Variants in LLGL1 observed in about 807,000 individuals in gnomAD.
LLGL1 encodes the protein lethal(2) giant larvae protein homolog 1.
In LLGL1, 58 loss-of-function variants were observed where a neutral mutation model predicts 110.6. The observed-to-expected ratio is 0.52, with a 90% CI of 0.42 to 0.65. The LOEUF is 0.65. LLGL1 is among the 30% of genes least tolerant of loss of function. The probability of loss-of-function intolerance (pLI) is 0.00; values close to 1 mark genes in which losing one functional copy is unlikely to be tolerated. For missense variants in LLGL1, 1,229 were observed against 1,462.1 expected, an observed-to-expected ratio of 0.84 and a Z score of 2.60; for synonymous variants, 674 against 607.2, an observed-to-expected ratio of 1.11 and a Z score of -1.62.
chr17:18,242,460 A>G, intron 20 of LLGL1, 48 bp from the exon 21 acceptor site: 2 of 1,610,110 alleles, frequency 1.2e-6, no homozygotes, highest in Non-Finnish European at 1.7e-6. Flanking sequence ...CCCCAGGTGC[A>G]GAGGGTGCTA....
Position 18,226,506 on chromosome 17 carries a change from C to T in LLGL1, c.81+743C>T, listed in dbSNP as rs77920465. ...CCCCACTGCTCCAGGCTCTGCCTTG[C>T]CCTGCTCTGCCCTGCCCGGGGCTCC... is the stretch of plus-strand genomic sequence containing the variant. On this transcript the variant is annotated intron_variant, in intron 1 of 22. Transcript: ENST00000316843. Among the ~76,000 whole-genome samples, 753 of 152,346 alleles carry T rather than the reference C, an allele frequency of 4.9e-3. 5 individuals are homozygous for T. Among genetic ancestry groups the T allele is most frequent in the African/African-American group, 0.017 (713 of 41,580 alleles).
At chr17:18,237,329 A>C (rs560666758) in intron 13 of LLGL1, 152 bp from the exon 14 acceptor site, 120 of 725,806 alleles carry the variant, frequency 1.7e-4, no homozygotes, top group Non-Finnish European at 2.2e-4. Context: ...TACAGTAGGC[A>C]TTCAGTGAGT....
intron 15 of LLGL1, 41 bp from the exon 16 acceptor site, chr17:18,238,415 G>C: frequency 6.3e-7 from 1 of 1,584,194 alleles, no homozygotes; most frequent in Non-Finnish European, 8.6e-7. Context: ...CAAGCCACTG[G>C]GGTGCTAGGG....
At chr17:18,233,749 C>A in intron 4 of LLGL1, 29 bp from the exon 5 acceptor site, 1 of 1,596,680 alleles carries the variant, frequency 6.3e-7, no homozygotes, top group East Asian at 2.2e-5. Flanking sequence ...GGGCTTGTAC[C>A]CTCACTCCCT....
At position 18,235,526 on chromosome 17, in the gene LLGL1, G is replaced by A. The variant is rs781290107; in HGVS notation, c.1341G>A (p.Leu447=). Reference sequence around the variant, plus strand: ...CCCAGGAGCCGTCACAGCGAGGGCTGCTGCTGACGGGGTAGGTGTGCGTGC... The same window carrying A: ...CCCAGGAGCCGTCACAGCGAGGGCTACTGCTGACGGGGTAGGTGTGCGTGC... ...NLAQEPSQRG[L]LLTGHEDGTV... Residue 447 remains leucine, a synonymous_variant, in exon 11 of 23, where the codon CTG becomes CTA. Coordinates refer to ENST00000316843, the MANE Select transcript of LLGL1 (RefSeq NM_004140.4). 4.3e-6 allele frequency: 7 copies of A among 1,613,664 alleles called. No homozygotes were observed. In the South Asian group the frequency reaches 6.6e-5, roughly 15 times the overall value.
chr17:18,237,431 G>A, intron 13 of LLGL1, 50 bp from the exon 14 acceptor site: 1 of 1,482,314 alleles, frequency 6.7e-7, no homozygotes, highest in Admixed American at 2.3e-5. Flanking sequence ...TGGGGCCCAG[G>A]GCGGCCCCTC....
chr17:18,242,099 G>A, intron 19 of LLGL1, 67 bp from the exon 20 acceptor site: 3 of 1,540,946 alleles, frequency 1.9e-6, no homozygotes, highest in South Asian at 2.2e-5. Context: ...GAGTGGGAGG[G>A]CAAGGATCTA....
In LLGL1 at chr17:18,241,991, C is replaced by A. The variant is rs2047846717; in HGVS notation, c.2874C>A (p.Thr958=). The A allele has an allele frequency of 6.2e-7, 1 of 1,613,256 alleles. No homozygotes were observed. ...SLDINWPRDA[T]QASYRIRESP... The stretch of plus-strand genomic sequence containing the variant: ...ACATTAACTGGCCCCGCGATGCCAC[C>A]CAGGCCAGGTGTGTGGAGGGGCAGC... The change falls in exon 19 of 23, where the codon ACC becomes ACA. Residue 958 remains threonine (T), a synonymous_variant. Coordinates refer to ENST00000316843, the MANE Select transcript of LLGL1 (RefSeq NM_004140.4).
In LLGL1 at chr17:18,233,952, G is replaced by C. The variant is rs1371061972; in HGVS notation, c.551+16G>C. 2.2e-5 allele frequency: 36 copies of C among 1,607,300 alleles called. No individual in the cohort carries two copies. The highest frequency in any genetic ancestry group is 3.1e-5 in the Non-Finnish European group (36 of 1,177,120). On this transcript the variant is annotated intron_variant, in intron 5 of 22. Coordinates refer to ENST00000316843, the MANE Select transcript of LLGL1 (RefSeq NM_004140.4). ...TTCTGCGCAGGTAAGAGGCCGGTGG[G>C]CTTCCCAGCACCCACTGTGTGCCCG...
Position 18,225,739 on chromosome 17 carries a change from G to T in LLGL1, c.57G>T (p.Lys19Asn). Reference sequence around the variant, plus strand: ...CCGACCCGCAGCGCGAGAAGCTCAAGCAGGAGCTTTTCGCCTTCAACAAGG... The same window carrying T: ...CCGACCCGCAGCGCGAGAAGCTCAATCAGGAGCTTTTCGCCTTCAACAAGG... ...QGADPQREKL[K>N]QELFAFNKTV... is the part of the protein sequence containing the mutation. Residue 19 changes from lysine (K) to asparagine (N), a missense_variant, in exon 1 of 23, where the codon AAG becomes AAT. By Grantham distance (94) the Lys-to-Asn change is moderately conservative (BLOSUM62 0). Coordinates refer to ENST00000316843, the MANE Select transcript of LLGL1 (RefSeq NM_004140.4). 1 of 1,048,354 alleles carries T rather than the reference G, an allele frequency of 9.5e-7. No homozygotes were observed. The allele number at this position is 1,048,354 out of a possible 1,614,324, so 64.9% of individuals were successfully genotyped here.
chr17:18,235,630 C>G (rs1365011934), intron 11 of LLGL1, 93 bp downstream of exon 11: 1 of 1,265,134 alleles, frequency 7.9e-7, no homozygotes, highest in African/African-American at 1.5e-5. Flanking sequence ...CCAGGAGACT[C>G]AGGCCTGGCC....
In LLGL1 at chr17:18,234,029, C is replaced by A; in HGVS notation, c.568C>A (p.Arg190Ser). The A allele has an allele frequency of 6.3e-7, 1 of 1,593,972 alleles. No homozygotes were observed. The highest frequency in any genetic ancestry group is 8.6e-7 in the Non-Finnish European group (1 of 1,166,674). Residue 190 changes from arginine (R) to serine (S), a missense_variant, in exon 6 of 23, where the codon CGC becomes AGC. By Grantham distance (110) the Arg-to-Ser change is moderately radical. Transcript: ENST00000316843. ...CCTCCACAGCGTGCCAGACGACTACCGCTGTGGGAAGGCACTGGGCCCCGT... is the reference window on the plus strand; with the variant it reads ...CCTCCACAGCGTGCCAGACGACTACAGCTGTGGGAAGGCACTGGGCCCCGT... ...EVLRSVPDDY[R>S]CGKALGPVES... is the part of the protein sequence containing the mutation.
chr17:18,241,453 G>A lies in LLGL1; in HGVS notation c.2505G>A (p.Val835=), dbSNP rs748722215. The A allele has an allele frequency of 6.2e-7, 1 of 1,611,852 alleles. No individual in the cohort carries two copies. Residue 835 remains valine (V), a splice_region_variant and synonymous_variant, in exon 18 of 23, where the codon GTG becomes GTA. Transcript: ENST00000316843. ...VLIASEEQFK[V]FTLPKVSAKT... is the part of the protein sequence containing the mutation. Reference sequence around the variant, plus strand: ...GCTCACCAGCCACCTGCTGTCAGGTGTTCACACTGCCCAAGGTGAGCGCGA... The same window carrying A: ...GCTCACCAGCCACCTGCTGTCAGGTATTCACACTGCCCAAGGTGAGCGCGA...
chr17:18,243,623 C>G (rs2047906110), intron 22 of LLGL1, among the ~76,000 whole-genome samples: 1 of 152,228 alleles, frequency 6.6e-6, no homozygotes, highest in Admixed American at 6.5e-5. Context: ...GCCTCATGTT[C>G]CCAGGCACCT....
At chr17:18,243,000 C>T (rs2047881922) in intron 22 of LLGL1, among the ~76,000 whole-genome samples, 178 bp downstream of exon 22, 1 of 152,252 alleles carries the variant, frequency 6.6e-6, no homozygotes, top group Non-Finnish European at 1.5e-5. Context: ...CTGGTGCTCA[C>T]ACAGACACCA....
intron 7 of LLGL1, 62 bp from the exon 8 acceptor site, chr17:18,234,587 A>G (rs1484089046): frequency 4.4e-6 from 7 of 1,604,784 alleles, no homozygotes; most frequent in African/African-American, 2.7e-5. Flanking sequence ...AGGGCAGAGC[A>G]GGAATGGCAG....
At chr17:18,226,810 G>A (rs903238516) in intron 1 of LLGL1, among the ~76,000 whole-genome samples, 3 of 152,232 alleles carry the variant, frequency 2.0e-5, no homozygotes, top group African/African-American at 7.2e-5. Flanking sequence ...GCCCACTCCT[G>A]GCTCACTGCT....
chr17:18,238,376 T>C (rs950043006), intron 15 of LLGL1, 80 bp from the exon 16 acceptor site: 65 of 1,567,344 alleles, frequency 4.1e-5, no homozygotes, highest in Non-Finnish European at 5.4e-5. Flanking sequence ...AGAGGAATGG[T>C]AACAGAACGT....
intron 17 of LLGL1, chr17:18,241,165 G>T: frequency 6.8e-6 from 4 of 590,570 alleles, no homozygotes; most frequent in Non-Finnish European, 8.9e-6. Context: ...GTCCCCAGGG[G>T]CTCTGCCTCG....
Sources: gnomAD v4.1 joint callset for allele counts (sites outside exome capture counted in the v4.1 genomes callset) on GRCh38, gnomAD v4.1.1 for gene constraint, MANE v1.5 for transcripts, NCBI Gene and HGNC (gene_info 2026-07-23, HGNC 2026-07-21) for gene names.